The following UBE2W variants were observed in gnomAD, a reference collection of about 807,000 sequenced individuals.
The protein encoded by UBE2W is ubiquitin conjugating enzyme E2 W.
Under a neutral mutation model 27.2 loss-of-function variants are expected in UBE2W, and 18 were observed. The observed-to-expected ratio is 0.66, with a 90% CI of 0.46 to 0.98. The LOEUF (loss-of-function observed/expected upper bound fraction) is 0.98. Among genes scored for constraint, UBE2W ranks in the 50% least tolerant of loss-of-function variants. The pLI, the probability that UBE2W is intolerant of heterozygous loss-of-function variation, is 0.00. For missense variants in UBE2W, 90 were observed against 180.2 expected (o/e 0.50, Z 2.87); for synonymous variants, 53 against 57.2 (o/e 0.93, Z 0.33).
chr8:73,794,021 T>A lies in UBE2W; in HGVS notation c.*81A>T. 6.3e-7 allele frequency: 1 copy of A among 1,596,856 alleles called. No homozygotes were observed. Among genetic ancestry groups the A allele is most frequent in the Non-Finnish European group, 8.5e-7 (1 of 1,172,676 alleles). ...CCTATAGGTCACTTCCAGTCAAAGGTTAAAGTTCAAAGACTGAATGATCAA... is the reference window on the plus strand; with the variant it reads ...CCTATAGGTCACTTCCAGTCAAAGGATAAAGTTCAAAGACTGAATGATCAA... On this transcript the variant is annotated 3_prime_UTR_variant, in exon 6 of 6. Coordinates refer to ENST00000602593, the MANE Select transcript of UBE2W (RefSeq NM_018299.6).
intron 5 of UBE2W, among the ~76,000 whole-genome samples, 179 bp downstream of exon 5, chr8:73,805,472 C>CAAAAAAAAAAAACAAACAAACAAAAA: frequency 9.2e-5 from 4 of 43,694 alleles, no homozygotes; most frequent in Admixed American, 3.9e-4. Flanking sequence ...AAAAAAAAAA[C>CAAAAAAAAAAAACAAACAAACAAAAA]AAAAAAAACT....
chr8:73,846,035 T>C (rs1006049316), intron 1 of UBE2W, among the ~76,000 whole-genome samples: 13 of 152,210 alleles, frequency 8.5e-5, no homozygotes, highest in Non-Finnish European at 1.8e-4. Flanking sequence ...GGTGGGCAGA[T>C]ACTTAAAGTG....
chr8:73,806,913 A>G (rs996818641), intron 4 of UBE2W, among the ~76,000 whole-genome samples: 2 of 152,226 alleles, frequency 1.3e-5, no homozygotes, highest in African/African-American at 4.8e-5. Context: ...TCTGCTGAAC[A>G]TATGCCCTGA....
At chr8:73,855,328 C>T (rs950097670) in intron 1 of UBE2W, among the ~76,000 whole-genome samples, 2 of 151,214 alleles carry the variant, frequency 1.3e-5, no homozygotes, top group Admixed American at 6.6e-5. Context: ...ACAGCAATAG[C>T]AACAGAAGGT....
intron 5 of UBE2W, among the ~76,000 whole-genome samples, chr8:73,800,449 G>GA (rs563067895): frequency 1.6e-4 from 23 of 147,954 alleles, no homozygotes; most frequent in Admixed American, 4.0e-4. Context: ...ATCTGTAAAT[G>GA]AAAAAAAAAA....
At chr8:73,812,217 C>T (rs1171201496) in intron 3 of UBE2W, among the ~76,000 whole-genome samples, 1 of 139,596 alleles carries the variant, frequency 7.2e-6, no homozygotes. Context: ...TCCATTCCCA[C>T]TAATAAAAAA....
intron 1 of UBE2W, among the ~76,000 whole-genome samples, chr8:73,844,856 C>T (rs530144683): frequency 1.3e-4 from 19 of 145,994 alleles, no homozygotes; most frequent in Admixed American, 9.5e-4. Context: ...CTGGGAGGTG[C>T]GGAGCGTCTC....
chr8:73,791,910 G>A lies in UBE2W; in HGVS notation c.*2192C>T. 1 of 984,748 alleles carries A rather than the reference G, an allele frequency of 1.0e-6. No individual in the cohort carries two copies. The highest frequency in any genetic ancestry group is 1.2e-6 in the Non-Finnish European group (1 of 829,386). The allele number at this position is 984,748 out of a possible 1,614,324, so 61.0% of individuals were successfully genotyped here. A position where few individuals can be genotyped will look rare whatever the true frequency, so the allele number is the denominator to read the frequency against. ...AAATATTGTCATAAAAAACTCAATT[G>A]AGGCTATATATGACCTATTACTCTA... On this transcript the variant is annotated 3_prime_UTR_variant, in exon 6 of 6. Transcript: ENST00000602593.
intron 1 of UBE2W, among the ~76,000 whole-genome samples, chr8:73,857,935 C>A (rs2130964181): frequency 6.6e-6 from 1 of 152,162 alleles, no homozygotes; most frequent in Non-Finnish European, 1.5e-5. Context: ...TTCAGAATAC[C>A]TTTAAGCGGC....
chr8:73,847,601 G>A (rs895504020), intron 1 of UBE2W, among the ~76,000 whole-genome samples: 2 of 150,304 alleles, frequency 1.3e-5, no homozygotes, highest in Admixed American at 6.7e-5. Flanking sequence ...CATCATCAAC[G>A]GTAAAACGGG....
chr8:73,832,126 A>AAAAT (rs1462035767), intron 1 of UBE2W, among the ~76,000 whole-genome samples: 2 of 134,830 alleles, frequency 1.5e-5, no homozygotes, highest in Non-Finnish European at 1.5e-5. Flanking sequence ...ACAAACAAAA[A>AAAAT]AAATAAATAA....
At chr8:73,873,916 A>C (rs1280237545) in intron 1 of UBE2W, among the ~76,000 whole-genome samples, 1 of 152,224 alleles carries the variant, frequency 6.6e-6, no homozygotes, top group Non-Finnish European at 1.5e-5. Flanking sequence ...ACTACTATGC[A>C]CTGACTTTCT....
chr8:73,872,655 A>G (rs1438349831), intron 1 of UBE2W, among the ~76,000 whole-genome samples: 1 of 152,244 alleles, frequency 6.6e-6, no homozygotes, highest in Admixed American at 6.5e-5. Flanking sequence ...TAAGTAATGA[A>G]CACAGTTTGG....
chr8:73,793,960 G>C lies in UBE2W; in HGVS notation c.*142C>G, dbSNP rs73322646. On this transcript the variant is annotated 3_prime_UTR_variant, in exon 6 of 6. Coordinates refer to ENST00000602593, the MANE Select transcript of UBE2W (RefSeq NM_018299.6). The stretch of plus-strand genomic sequence containing the variant: ...ATCAACATGCGCCCAGAATGCACAC[G>C]AGTAAAAATGCAGTAAAAGGAAGTA... 2.7e-6 allele frequency: 4 copies of C among 1,478,512 alleles called. No homozygotes were observed. Among genetic ancestry groups the C allele is most frequent in the Non-Finnish European group, 3.6e-6 (4 of 1,113,544 alleles). The allele number at this position is 1,478,512 out of a possible 1,614,324, so 91.6% of individuals were successfully genotyped here. A position where few individuals can be genotyped will look rare whatever the true frequency, so the allele number is the denominator to read the frequency against.
chr8:73,863,942 A>G (rs1275010906), intron 1 of UBE2W, among the ~76,000 whole-genome samples: 1 of 146,016 alleles, frequency 6.8e-6, no homozygotes, highest in Admixed American at 6.6e-5. Context: ...CAAAAAACAA[A>G]AAACAAACCA....
intron 5 of UBE2W, among the ~76,000 whole-genome samples, chr8:73,803,654 G>A (rs990349477): frequency 2.0e-5 from 3 of 151,554 alleles, no homozygotes; most frequent in African/African-American, 7.3e-5. Flanking sequence ...AGCTCTTAAA[G>A]TTTTGCCATT....
At chr8:73,781,212 G>A (rs1448776441) in intron 4 of UBE2W, among the ~76,000 whole-genome samples, 1 of 149,962 alleles carries the variant, frequency 6.7e-6, no homozygotes, top group African/African-American at 2.5e-5. Context: ...GGAGGTTGCA[G>A]TGAGCCGAGA....
At position 73,780,442 on chromosome 8, in the gene UBE2W, G is replaced by T. The variant is rs1038601232; in HGVS notation, c.*38C>A. The stretch of plus-strand genomic sequence containing the variant: ...ATAGGGTCACAATTTGAGGTACTGG[G>T]AGTTAAGACTTCAACACATCTTATT... On this transcript the variant is annotated 3_prime_UTR_variant, in exon 5 of 5. Coordinates refer to the UBE2W transcript ENST00000523278. 6.7e-6 allele frequency: 3 copies of T among 447,624 alleles called. 1 individual carries two copies. Among genetic ancestry groups the T allele is most frequent in the South Asian group, 4.8e-5 (3 of 62,470 alleles). The allele number at this position is 447,624 out of a possible 1,614,324, so 27.7% of individuals were successfully genotyped here. A position where few individuals can be genotyped will look rare whatever the true frequency, so the allele number is the denominator to read the frequency against.
At chr8:73,856,913 G>A (rs1262333037) in intron 1 of UBE2W, among the ~76,000 whole-genome samples, 1 of 151,592 alleles carries the variant, frequency 6.6e-6, no homozygotes, top group Non-Finnish European at 1.5e-5. Context: ...TGCTATGTTG[G>A]CCAGACTGGT....
Sources: gnomAD v4.1 joint callset for allele counts (sites outside exome capture counted in the v4.1 genomes callset) on GRCh38, gnomAD v4.1.1 for gene constraint, MANE v1.5 for transcripts, NCBI Gene and HGNC (gene_info 2026-07-23, HGNC 2026-07-21) for gene names.